ABAT: variants seen among roughly 807,000 people sequenced by gnomAD.
The protein encoded by ABAT is 4-aminobutyrate aminotransferase, mitochondrial.
ABAT carries 45 observed loss-of-function variants against 64.6 expected under a neutral mutation model. The ratio of observed to expected loss-of-function variants is 0.70; its 90% CI spans 0.55 to 0.89. ABAT has a LOEUF of 0.89. Ranked by LOEUF, ABAT falls within the 40% of genes least tolerant of loss-of-function variation. ABAT has a pLI of 0.00. For synonymous variants in ABAT, 297 were observed against 250.5 expected (o/e 1.19, Z -1.75); for missense variants, 633 against 658.4 (o/e 0.96, Z 0.42).
At chr16:8,749,894 T>A (rs762300284) in intron 4 of ABAT, among the ~76,000 whole-genome samples, 1 of 151,964 alleles carries the variant, frequency 6.6e-6, no homozygotes, top group East Asian at 1.9e-4. Context: ...TTGTATTTTT[T>A]AGTAGATACA....
intron 1 of ABAT, among the ~76,000 whole-genome samples, chr16:8,718,976 T>C (rs1457083142): frequency 1.3e-5 from 2 of 152,248 alleles, no homozygotes; most frequent in East Asian, 1.9e-4. Context: ...GTTTCACTTG[T>C]TATACGCTGT....
intron 1 of ABAT, among the ~76,000 whole-genome samples, chr16:8,725,934 C>T (rs552040405): frequency 6.6e-6 from 1 of 152,224 alleles, no homozygotes; most frequent in Non-Finnish European, 1.5e-5. Flanking sequence ...TCGAGAACCC[C>T]CTCCCCAGCT....
At chr16:8,724,399 T>C (rs999172994) in intron 1 of ABAT, among the ~76,000 whole-genome samples, 18 of 152,128 alleles carry the variant, frequency 1.2e-4, no homozygotes, top group African/African-American at 4.3e-4. Flanking sequence ...CTGGCACGTG[T>C]TGTAACATTT....
chr16:8,731,842 T>C (rs762561459), intron 1 of ABAT, among the ~76,000 whole-genome samples: 1 of 151,364 alleles, frequency 6.6e-6, no homozygotes, highest in Non-Finnish European at 1.5e-5. Flanking sequence ...CTCTTTTTCC[T>C]CTTTTTCTGT....
chr16:8,769,092 C>G (rs753432615), intron 11 of ABAT, 119 bp downstream of exon 11: 40 of 1,435,342 alleles, frequency 2.8e-5, no homozygotes, highest in Middle Eastern at 2.4e-4. Context: ...GCAGTGCTCC[C>G]CCAGAGGGAA....
chr16:8,733,001 A>G (rs1282340660), intron 1 of ABAT, among the ~76,000 whole-genome samples: 9 of 144,370 alleles, frequency 6.2e-5, no homozygotes, highest in Non-Finnish European at 1.2e-4. Context: ...TCCCTCCCGG[A>G]CGGGGCGGCT....
intron 1 of ABAT, among the ~76,000 whole-genome samples, chr16:8,721,956 T>C (rs1044691203): frequency 6.6e-6 from 1 of 152,240 alleles, no homozygotes; most frequent in Admixed American, 6.5e-5. Context: ...CAGTAAGGAA[T>C]AGAACTTACT....
intron 1 of ABAT, among the ~76,000 whole-genome samples, chr16:8,700,566 G>C (rs779095366): frequency 6.6e-6 from 1 of 152,050 alleles, no homozygotes; most frequent in East Asian, 1.9e-4. Flanking sequence ...GATGTCAGGC[G>C]TCTCCCTCTG....
chr16:8,754,443 A>G (rs1248917327), intron 5 of ABAT, among the ~76,000 whole-genome samples: 1 of 152,122 alleles, frequency 6.6e-6, no homozygotes, highest in African/African-American at 2.4e-5. Context: ...GGTGGTCTGG[A>G]AAGTCCTCAG....
intron 6 of ABAT, chr16:8,760,525 A>G (rs1404054838): frequency 6.6e-6 from 1 of 152,228 alleles, no homozygotes; most frequent in Admixed American, 6.5e-5. Context: ...CTTGCCTCCG[A>G]TTAGTTGAGA....
chr16:8,747,642 T>G (rs753072), intron 3 of ABAT, among the ~76,000 whole-genome samples: 3 of 152,230 alleles, frequency 2.0e-5, no homozygotes, highest in African/African-American at 7.2e-5. Context: ...AGCGGCTAGT[T>G]TCTAATTCCC....
chr16:8,701,319 C>G (rs954204952), intron 1 of ABAT, among the ~76,000 whole-genome samples: 1 of 151,674 alleles, frequency 6.6e-6, no homozygotes, highest in African/African-American at 2.4e-5. Flanking sequence ...GAGCTGTAAT[C>G]AAATCTGCAG....
At chr16:8,732,370 C>T (rs1037424493) in intron 1 of ABAT, among the ~76,000 whole-genome samples, 1 of 150,754 alleles carries the variant, frequency 6.6e-6, no homozygotes, top group African/African-American at 2.5e-5. Context: ...ACCCTGCGGC[C>T]TTCCGCAGTG....
At chr16:8,740,840 A>G (rs1465317) in intron 2 of ABAT, among the ~76,000 whole-genome samples, 151,442 of 152,372 alleles carry the variant, frequency 0.99, 75,263 homozygotes, top group Middle Eastern at 1. Context: ...TCCTCAATAA[A>G]CATTTTATCA....
At chr16:8,705,373 C>A (rs1157728401) in intron 1 of ABAT, 1 of 152,146 alleles carries the variant, frequency 6.6e-6, no homozygotes, top group Non-Finnish European at 1.5e-5. Flanking sequence ...GATCCAGTCA[C>A]CTCCCACCAG....
intron 1 of ABAT, among the ~76,000 whole-genome samples, chr16:8,682,184 G>GACACACACACACAC (rs1210693818): frequency 4.6e-5 from 4 of 87,588 alleles, no homozygotes; most frequent in African/African-American, 1.7e-4. Context: ...TGCCTAACAG[G>GACACACACACACAC]ATACACACAC....
At chr16:8,681,252 A>G (rs1373875070) in intron 1 of ABAT, among the ~76,000 whole-genome samples, 1 of 151,934 alleles carries the variant, frequency 6.6e-6, no homozygotes, top group Non-Finnish European at 1.5e-5. Flanking sequence ...CGGCCTCCCA[A>G]AGTGCTGGGA....
At chr16:8,706,328 C>T (rs533696043) in intron 1 of ABAT, among the ~76,000 whole-genome samples, 7 of 150,676 alleles carry the variant, frequency 4.6e-5, no homozygotes, top group African/African-American at 1.7e-4. Context: ...ATCACCTGAG[C>T]CCTGAAGGTA....
At position 8,776,703 on chromosome 16, in the gene ABAT, T is replaced by C. The variant is rs1042428090; in HGVS notation, c.1269+213T>C. 6.6e-6 allele frequency among the ~76,000 whole-genome samples: 1 copy of C among 152,192 alleles called. No individual in the cohort carries two copies. Among genetic ancestry groups the C allele is most frequent in the Non-Finnish European group, 1.5e-5 (1 of 68,042 alleles). On this transcript the variant is annotated intron_variant, in intron 14 of 15. Transcript: ENST00000268251. The surrounding 1 kb of genome is among the most constrained non-coding windows in gnomAD (Gnocchi z 4.4). ...TCCATCCCATTCCAACCCCTATTCC[T>C]GAACTCCTGGTTTTCTTTGTTGTTG...
Sources: gnomAD v4.1 joint callset for allele counts (sites outside exome capture counted in the v4.1 genomes callset) on GRCh38, gnomAD v4.1.1 for gene constraint, Gnocchi (gnomAD v3.1) non-coding constraint, MANE v1.5 for transcripts, NCBI Gene and HGNC (gene_info 2026-07-23, HGNC 2026-07-21) for gene names.